The following GRK4 variants were observed in gnomAD, a reference collection of about 807,000 sequenced individuals.
The protein encoded by GRK4 is G protein-coupled receptor kinase 4.
A neutral mutation model predicts 77.9 loss-of-function variants in GRK4; 73 were observed. The observed-to-expected ratio is 0.94, with a 90% confidence interval of 0.78 to 1.14. The LOEUF (loss-of-function observed/expected upper bound fraction) is 1.14. GRK4 is among the 50% of genes most tolerant of loss of function. The pLI, the probability that GRK4 is intolerant of heterozygous loss-of-function variation, is 0.00. For synonymous variants in GRK4, 257 were observed against 254.4 expected, an observed-to-expected ratio of 1.01 and a Z score of -0.10; for missense variants, 729 against 700.2, an observed-to-expected ratio of 1.04 and a Z score of -0.46.
At chr4:3,025,303 A>T (rs73191109) in intron 10 of GRK4, among the ~76,000 whole-genome samples, 2 of 150,704 alleles carry the variant, frequency 1.3e-5, no homozygotes, top group Non-Finnish European at 3.0e-5. Flanking sequence ...ACTCAGTATC[A>T]TTCCCTTCTG....
chr4:3,022,221 G>A (rs1167363443), intron 9 of GRK4, among the ~76,000 whole-genome samples, 193 bp from the exon 10 acceptor site: 1 of 152,164 alleles, frequency 6.6e-6, no homozygotes, highest in Admixed American at 6.5e-5. Flanking sequence ...ATTTTACACT[G>A]TCGTCACATG....
In GRK4 at chr4:2,978,650, T is replaced by TA. The variant is rs535112925; in HGVS notation, c.53-5856dup. 6.8e-4 allele frequency among the ~76,000 whole-genome samples: 104 copies of TA among 152,174 alleles called. 1 individual carries two copies. Among genetic ancestry groups the TA allele is most frequent in the African/African-American group, 2.1e-3 (89 of 41,522 alleles). On this transcript the variant is annotated intron_variant, in intron 1 of 15. Coordinates refer to ENST00000398052, the MANE Select transcript of GRK4 (RefSeq NM_182982.3). ...CATCTTATCTCAATTGCTGCCGTCC[T>TA]AAAAAAAGTCCAGGCCAGGCAAGGT...
At chr4:2,965,474 A>G (rs1717351490) in intron 1 of GRK4, 1 of 702,980 alleles carries the variant, frequency 1.4e-6, no homozygotes, top group Non-Finnish European at 2.6e-6. Context: ...GTGATGGAGC[A>G]GCTCTGCTCG....
Position 2,995,712 on chromosome 4 carries a change from A to C in GRK4, c.339+3420A>C, listed in dbSNP as rs562548279. On this transcript the variant is annotated intron_variant, in intron 4 of 15. Transcript: ENST00000398052. ...AGAGTTTACTTGAGCTAAAGTAAAG[A>C]CAGCTGCGTGGGACACACTTCCAAG... 6.4e-4 allele frequency among the ~76,000 whole-genome samples: 97 copies of C among 152,134 alleles called. 1 individual carries two copies. The highest frequency in any genetic ancestry group is 5.8e-3 in the Admixed American group (89 of 15,282).
chr4:2,965,484 G>C (rs186640967), intron 1 of GRK4: 57 of 702,868 alleles, frequency 8.1e-5, no homozygotes, highest in African/African-American at 8.0e-4. Context: ...AGCTCTGCTC[G>C]GACTGTGCTC....
chr4:2,999,890 G>A (rs1464077848), intron 4 of GRK4, among the ~76,000 whole-genome samples: 4 of 152,086 alleles, frequency 2.6e-5, no homozygotes, highest in African/African-American at 7.2e-5. Context: ...ACTGGTAAGG[G>A]TCTAGTATCC....
rs142243586 is a variant in GRK4 at position 2,998,900 on chromosome 4, G to A, written c.340-5331G>A. Among the ~76,000 whole-genome samples, 16 of 152,108 alleles carry A rather than the reference G, an allele frequency of 1.1e-4. No homozygotes were observed. The East Asian group carries it at 1.4e-3, about 13-fold the overall frequency. On this transcript the variant is annotated intron_variant, in intron 4 of 15. Transcript: ENST00000398052. ...GAACTCATATGGATAGTCAAGGGAC[G>A]TGGACTATAACATTCTTTAAAAAGA...
chr4:3,028,170 G>A (rs1273930589), intron 11 of GRK4, among the ~76,000 whole-genome samples, 169 bp downstream of exon 11: 3 of 152,176 alleles, frequency 2.0e-5, no homozygotes, highest in Admixed American at 2.0e-4. Flanking sequence ...GGCTGCTGGG[G>A]ATCCTGTAGG....
intron 1 of GRK4, among the ~76,000 whole-genome samples, chr4:2,968,813 C>T (rs916211948): frequency 6.6e-6 from 1 of 152,072 alleles, no homozygotes; most frequent in Non-Finnish European, 1.5e-5. Flanking sequence ...AATCAGGTCT[C>T]CACGGTCACT....
chr4:2,972,595 G>A (rs1322530903), intron 1 of GRK4, among the ~76,000 whole-genome samples: 1 of 152,058 alleles, frequency 6.6e-6, no homozygotes, highest in African/African-American at 2.4e-5. Context: ...GACCAAGCCA[G>A]GGGACCTTTT....
chr4:2,970,160 T>C lies in GRK4; in HGVS notation c.52+6038T>C, dbSNP rs191684601. Among the ~76,000 whole-genome samples the C allele has an allele frequency of 5.1e-4, 78 of 152,356 alleles. 1 individual carries two copies. Among genetic ancestry groups the C allele is most frequent in the African/African-American group, 1.7e-3 (72 of 41,588 alleles). On this transcript the variant is annotated intron_variant, in intron 1 of 15. Coordinates refer to ENST00000398052, the MANE Select transcript of GRK4 (RefSeq NM_182982.3). ...AATGTCTACCGTCTGTTACTATCAT[T>C]ATGGTACAGCTAATTTGGGATGCTA...
At chr4:3,000,366 G>C (rs749531638) in intron 4 of GRK4, among the ~76,000 whole-genome samples, 6 of 152,132 alleles carry the variant, frequency 3.9e-5, no homozygotes, top group Non-Finnish European at 8.8e-5. Flanking sequence ...AAACGGTCTT[G>C]ATAGAATCAA....
At chr4:3,034,344 T>C (rs1560505170) in intron 12 of GRK4, among the ~76,000 whole-genome samples, 1 of 152,190 alleles carries the variant, frequency 6.6e-6, no homozygotes, top group Non-Finnish European at 1.5e-5. Context: ...CATACTTTTC[T>C]GTAAGGCCAG....
At chr4:2,982,822 C>A (rs992057743) in intron 1 of GRK4, among the ~76,000 whole-genome samples, 17 of 152,174 alleles carry the variant, frequency 1.1e-4, no homozygotes, top group African/African-American at 4.1e-4. Flanking sequence ...AACAGGTCAC[C>A]CTTTCCCCAC....
intron 5 of GRK4, among the ~76,000 whole-genome samples, chr4:3,005,938 G>A (rs961802208): frequency 7.2e-5 from 11 of 152,096 alleles, no homozygotes; most frequent in Non-Finnish European, 8.8e-5. Context: ...AGAATTCAGC[G>A]GCCAGTTCCA....
chr4:2,980,448 C>T (rs1722552764), intron 1 of GRK4, among the ~76,000 whole-genome samples: 3 of 151,916 alleles, frequency 2.0e-5, no homozygotes, highest in Non-Finnish European at 2.9e-5. Context: ...GAACCCCACT[C>T]ATGGGCCTGG....
chr4:3,005,677 G>A lies in GRK4; in HGVS notation c.443+1343G>A, dbSNP rs151237626. Among the ~76,000 whole-genome samples the A allele has an allele frequency of 6.6e-3, 1,004 of 152,120 alleles. 10 individuals are homozygous for A. The highest frequency in any genetic ancestry group is 0.023 in the African/African-American group (936 of 41,506). On this transcript the variant is annotated intron_variant, in intron 5 of 15. Coordinates refer to ENST00000398052, the MANE Select transcript of GRK4 (RefSeq NM_182982.3). ...AAATTAGCCAGGCCTGGGGGTGTGCGCCTGTAATCCCAGCTACTCAGGAGG... is the reference window on the plus strand; with the variant it reads ...AAATTAGCCAGGCCTGGGGGTGTGCACCTGTAATCCCAGCTACTCAGGAGG...
intron 7 of GRK4, among the ~76,000 whole-genome samples, chr4:3,013,336 G>A: frequency 6.6e-6 from 1 of 152,138 alleles, no homozygotes. Flanking sequence ...GTAGGCATGA[G>A]CCACCATGCC....
intron 2 of GRK4, chr4:2,985,707 A>T (rs868523680): frequency 9.6e-6 from 3 of 314,102 alleles, no homozygotes; most frequent in Middle Eastern, 1.1e-3. Context: ...CTAAGGAGTC[A>T]GATACAGAAG....
Sources: allele counts gnomAD v4.1 joint callset (sites outside exome capture counted in the v4.1 genomes callset), GRCh38; gene constraint gnomAD v4.1.1; transcripts MANE v1.5; gene names NCBI Gene and HGNC (gene_info 2026-07-23, HGNC 2026-07-21).